Variants in PAIP2B observed in about 807,000 individuals in gnomAD.
The protein encoded by PAIP2B is polyadenylate-binding protein-interacting protein 2B.
PAIP2B carries 13 observed loss-of-function variants against 17.0 expected under a neutral mutation model. The observed-to-expected ratio is 0.76, with a 90% confidence interval of 0.50 to 1.22. The LOEUF is 1.22. Ranked by LOEUF, PAIP2B falls within the 50% of genes most tolerant of loss-of-function variation. The probability of loss-of-function intolerance (pLI) is 0.00; values close to 1 mark genes in which losing one functional copy is unlikely to be tolerated. For missense variants in PAIP2B, 117 were observed against 144.5 expected, an observed-to-expected ratio of 0.81 and a Z score of 0.98; for synonymous variants, 43 against 48.7, an observed-to-expected ratio of 0.88 and a Z score of 0.48.
rs1211254512 is a variant in PAIP2B at position 71,184,756 on chromosome 2, CA to C, written c.*3722del. On this transcript the variant is annotated 3_prime_UTR_variant, in exon 4 of 4. Transcript: ENST00000244221. ...CCCCCACTACACACCAAATTAGAGT[CA>C]ATCCTCCTGTTCTCCCCACCCACTT... The C allele has an allele frequency of 6.6e-6, 1 of 152,186 alleles. No homozygotes were observed. The highest frequency in any genetic ancestry group is 1.5e-5 in the Non-Finnish European group (1 of 68,066). The allele number at this position is 152,186 out of a possible 1,614,324, so 9.4% of individuals were successfully genotyped here. A position where few individuals can be genotyped will look rare whatever the true frequency, so the allele number is the denominator to read the frequency against.
At chr2:71,210,105 A>G (rs1417395965) in intron 1 of PAIP2B, among the ~76,000 whole-genome samples, 1 of 152,182 alleles carries the variant, frequency 6.6e-6, no homozygotes, top group Non-Finnish European at 1.5e-5. Context: ...AATTACAGGC[A>G]TGAGCCACCA....
intron 3 of PAIP2B, among the ~76,000 whole-genome samples, chr2:71,189,402 C>T (rs1249096081): frequency 5.9e-5 from 9 of 152,324 alleles, no homozygotes; most frequent in African/African-American, 1.9e-4. Context: ...AATGACCTCT[C>T]AGGAGTACAT....
chr2:71,194,263 T>C (rs1674759106), intron 2 of PAIP2B, among the ~76,000 whole-genome samples: 1 of 152,214 alleles, frequency 6.6e-6, no homozygotes, highest in Non-Finnish European at 1.5e-5. Context: ...AGAATGTCAT[T>C]GGTAGTTTGA....
rs1438656865 is a variant in PAIP2B at position 71,189,936 on chromosome 2, G to A, written c.224C>T (p.Pro75Leu). 3 of 1,607,880 alleles carry A rather than the reference G, an allele frequency of 1.9e-6. No individual in the cohort carries two copies. The highest frequency in any genetic ancestry group is 1.7e-6 in the Non-Finnish European group (2 of 1,177,374). The change falls in exon 3 of 4, where the codon CCC becomes CTC. Residue 75 changes from proline to leucine, a missense_variant. Coordinates refer to ENST00000244221, the MANE Select transcript of PAIP2B (RefSeq NM_020459.1). ...LDEEDQDWFI[P>L]SRDLPQAMGQ... ...CATGGCCTGAGGCAGGTCTCGTGAGGGAATAAACCAGTCTTGGTCTTCTTC... is the reference window on the plus strand; with the variant it reads ...CATGGCCTGAGGCAGGTCTCGTGAGAGAATAAACCAGTCTTGGTCTTCTTC...
intron 1 of PAIP2B, among the ~76,000 whole-genome samples, chr2:71,203,344 T>C (rs1247005502): frequency 6.7e-6 from 1 of 150,208 alleles, no homozygotes; most frequent in Non-Finnish European, 1.5e-5. Flanking sequence ...TTCTCCTTTA[T>C]AAAGGTCTTC....
In PAIP2B at chr2:71,188,451, G is replaced by C. The variant is rs1458662182; in HGVS notation, c.*28C>G. ...ATTACTATCCCCAGATGTGGGGACA[G>C]ACAAGTCTTCCTCAAAGCTTTCTCG... On this transcript the variant is annotated 3_prime_UTR_variant, in exon 4 of 4. Transcript: ENST00000244221. The C allele has an allele frequency of 6.3e-7, 1 of 1,590,692 alleles. No homozygotes were observed. The highest frequency in any genetic ancestry group is 1.3e-5 in the African/African-American group (1 of 74,410).
intron 1 of PAIP2B, among the ~76,000 whole-genome samples, chr2:71,218,532 T>C (rs933428070): frequency 3.9e-5 from 6 of 152,178 alleles, no homozygotes; most frequent in Admixed American, 2.0e-4. Flanking sequence ...TCTGTCACTG[T>C]TGGTGGGAGT....
rs759237258 is a variant in PAIP2B at position 71,190,040 on chromosome 2, C to A, written c.139-19G>T. 2.5e-6 allele frequency: 4 copies of A among 1,601,918 alleles called. No individual in the cohort carries two copies. The highest frequency in any genetic ancestry group is 1.7e-5 in the Admixed American group (1 of 58,754). ...CCTCCACCTAGCAAGCAAAGGGGAG[C>A]AGCTCAGACTTACTGTCACAGCAAG... On this transcript the variant is annotated intron_variant, in intron 2 of 3. Coordinates refer to ENST00000244221, the MANE Select transcript of PAIP2B (RefSeq NM_020459.1).
At chr2:71,198,528 G>A (rs1373510127) in intron 2 of PAIP2B, among the ~76,000 whole-genome samples, 1 of 151,828 alleles carries the variant, frequency 6.6e-6, no homozygotes, top group Non-Finnish European at 1.5e-5. Context: ...CTCGTGATCC[G>A]CCCACCTCGG....
intron 2 of PAIP2B, among the ~76,000 whole-genome samples, chr2:71,193,279 T>C (rs1674733518): frequency 6.6e-6 from 1 of 152,174 alleles, no homozygotes. Flanking sequence ...TGCCCACTTT[T>C]TAATGGGGTT....
intron 1 of PAIP2B, among the ~76,000 whole-genome samples, chr2:71,221,553 G>A (rs188927636): frequency 2.1e-4 from 32 of 152,228 alleles, no homozygotes; most frequent in East Asian, 9.6e-4. Context: ...AATACTAAAT[G>A]CAATACCAAA....
At chr2:71,219,524 A>C (rs1675523086) in intron 1 of PAIP2B, among the ~76,000 whole-genome samples, 1 of 152,130 alleles carries the variant, frequency 6.6e-6, no homozygotes, top group African/African-American at 2.4e-5. Flanking sequence ...AATATATGAA[A>C]TTGAGGAAAA....
chr2:71,182,742 T>C lies in PAIP2B; in HGVS notation c.*5737A>G, dbSNP rs1045822251. ...AAGGGTACCACTGCCAGCAAATGCA[T>C]TTAACATTTTATTGAGATTCTCAAC... is the stretch of plus-strand genomic sequence containing the variant. On this transcript the variant is annotated 3_prime_UTR_variant, in exon 4 of 4. Coordinates refer to ENST00000244221, the MANE Select transcript of PAIP2B (RefSeq NM_020459.1). 4 of 152,080 alleles carry C rather than the reference T, an allele frequency of 2.6e-5. No individual in the cohort carries two copies. The highest frequency in any genetic ancestry group is 4.4e-5 in the Non-Finnish European group (3 of 68,010). The allele number at this position is 152,080 out of a possible 1,614,324, so 9.4% of individuals were successfully genotyped here. A position where few individuals can be genotyped will look rare whatever the true frequency, so the allele number is the denominator to read the frequency against.
At chr2:71,189,537 G>A (rs897827492) in intron 3 of PAIP2B, among the ~76,000 whole-genome samples, 1 of 152,188 alleles carries the variant, frequency 6.6e-6, no homozygotes, top group African/African-American at 2.4e-5. Flanking sequence ...CTTCTTCAGT[G>A]TTCAAATTGT....
rs1197479967 is a variant in PAIP2B, at chr2:71,183,373, C to A, written c.*5106G>T. 11 of 61,474 alleles carry A rather than the reference C, an allele frequency of 1.8e-4. No individual in the cohort carries two copies. Among genetic ancestry groups the A allele is most frequent in the African/African-American group, 7.4e-4 (11 of 14,916 alleles). The allele number at this position is 61,474 out of a possible 1,614,324, so 3.8% of individuals were successfully genotyped here. ...CCTGATGTGTAGTAGCACAAAAGTT[C>A]CTTGTAAAAAAAGAAGTTGCAAAAT... On this transcript the variant is annotated 3_prime_UTR_variant, in exon 4 of 4. Coordinates refer to ENST00000244221, the MANE Select transcript of PAIP2B (RefSeq NM_020459.1).
intron 1 of PAIP2B, among the ~76,000 whole-genome samples, chr2:71,215,430 T>C (rs753026990): frequency 1.3e-5 from 2 of 152,216 alleles, no homozygotes; most frequent in Non-Finnish European, 2.9e-5. Flanking sequence ...TGGGTTGTTT[T>C]TGATGTGCAG....
At chr2:71,195,268 A>G (rs1431839278) in intron 2 of PAIP2B, among the ~76,000 whole-genome samples, 1 of 152,134 alleles carries the variant, frequency 6.6e-6, no homozygotes, top group Non-Finnish European at 1.5e-5. Context: ...CTCCTCCTCA[A>G]TTTTTTAGAA....
rs17006756 is a variant in PAIP2B, at chr2:71,201,818, T to C, written c.138+634A>G. Among the ~76,000 whole-genome samples the C allele has an allele frequency of 0.056, 8,533 of 152,294 alleles. 993 individuals carry two copies. The East Asian group carries it at 0.56, about 10-fold the overall frequency. On this transcript the variant is annotated intron_variant, in intron 2 of 3. Coordinates refer to ENST00000244221, the MANE Select transcript of PAIP2B (RefSeq NM_020459.1). ...CATTCTGTTTTTTAGTGCTCCACTG[T>C]TCAAGCAATTAATTTCACATTGATC...
At chr2:71,192,452 CTTTTT>C (rs200565511) in intron 2 of PAIP2B, among the ~76,000 whole-genome samples, 2 of 150,684 alleles carry the variant, frequency 1.3e-5, no homozygotes, top group African/African-American at 4.9e-5. Context: ...TTTGATGTTA[CTTTTT>C]TTTTAATTTT....
Sources: gnomAD v4.1 joint callset for allele counts (sites outside exome capture counted in the v4.1 genomes callset) on GRCh38, gnomAD v4.1.1 for gene constraint, MANE v1.5 for transcripts, NCBI Gene and HGNC (gene_info 2026-07-23, HGNC 2026-07-21) for gene names.